Variants in ATP10B observed in about 807,000 individuals in gnomAD.
ATP10B encodes ATPase phospholipid transporting 10B (putative).
ATP10B carries 122 observed loss-of-function variants against 141.2 expected under a neutral mutation model. The ratio of observed to expected loss-of-function variants is 0.86; its 90% CI spans 0.75 to 1.00. The LOEUF is 1.00. ATP10B is among the 50% of genes least tolerant of loss of function. The pLI is 0.00. For synonymous variants in ATP10B, 685 were observed against 692.0 expected (o/e 0.99, Z 0.16); for missense variants, 1,876 against 1,825.3 (o/e 1.03, Z -0.51).
chr5:160,672,532 G>A (rs1233141111), intron 6 of ATP10B, among the ~76,000 whole-genome samples: 1 of 152,180 alleles, frequency 6.6e-6, no homozygotes, highest in African/African-American at 2.4e-5. Flanking sequence ...TCATCTGTCT[G>A]CATTTGGAAA....
chr5:160,764,673 T>C (rs1164492908), intron 2 of ATP10B, among the ~76,000 whole-genome samples: 1 of 152,176 alleles, frequency 6.6e-6, no homozygotes, highest in Non-Finnish European at 1.5e-5. Context: ...ATACCCACTT[T>C]TGCCACTTCT....
At chr5:160,873,658 C>T in the ATP10B span, among the ~76,000 whole-genome samples, 21 of 152,268 alleles carry the variant, frequency 1.4e-4, no homozygotes, top group East Asian at 3.9e-4. Flanking sequence ...AGACAGTGGA[C>T]GCAGGTCAGT....
chr5:160,682,555 C>T (rs969471967), intron 6 of ATP10B, among the ~76,000 whole-genome samples: 1 of 152,114 alleles, frequency 6.6e-6, no homozygotes, highest in Non-Finnish European at 1.5e-5. Flanking sequence ...AGATTATTCC[C>T]AAGAACCAGG....
At chr5:160,709,063 A>G (rs1485806563) in intron 3 of ATP10B, among the ~76,000 whole-genome samples, 1 of 152,202 alleles carries the variant, frequency 6.6e-6, no homozygotes, top group Non-Finnish European at 1.5e-5. Context: ...GACCATCAAT[A>G]ACTCATATAC....
At chr5:160,758,739 C>A (rs962542678) in intron 2 of ATP10B, among the ~76,000 whole-genome samples, 1 of 152,100 alleles carries the variant, frequency 6.6e-6, no homozygotes, top group Non-Finnish European at 1.5e-5. Flanking sequence ...TTCCTCCTGT[C>A]CTGCAGGGTC....
At chr5:160,644,088 G>T in intron 9 of ATP10B, 50 bp downstream of exon 9, 6 of 1,467,138 alleles carry the variant, frequency 4.1e-6, no homozygotes, top group South Asian at 1.1e-5. Flanking sequence ...GGATTTGGAG[G>T]GGGAAGGATA....
chr5:160,615,542 G>A (rs1581204465), intron 17 of ATP10B, among the ~76,000 whole-genome samples: 2 of 152,074 alleles, frequency 1.3e-5, no homozygotes, highest in African/African-American at 4.8e-5. Context: ...TTGGCACATA[G>A]TAGGTGCTTA....
chr5:160,850,519 T>C (rs890598656), intron 1 of ATP10B, among the ~76,000 whole-genome samples: 15 of 152,168 alleles, frequency 9.9e-5, no homozygotes, highest in Admixed American at 9.2e-4. Flanking sequence ...TCAGACTTCA[T>C]TTCTCTAGGT....
chr5:160,738,199 GAAGA>G (rs1322901355), intron 2 of ATP10B, among the ~76,000 whole-genome samples: 1 of 151,958 alleles, frequency 6.6e-6, no homozygotes, highest in African/African-American at 2.4e-5. Flanking sequence ...TTGGATGAAA[GAAGA>G]AATAGGAAAA....
the ATP10B span, among the ~76,000 whole-genome samples, chr5:160,899,580 C>G: frequency 6.6e-6 from 1 of 151,924 alleles, no homozygotes; most frequent in African/African-American, 2.4e-5. Flanking sequence ...ATGCATCTCT[C>G]CCCCCAAAAA....
chr5:160,863,046 A>C, the ATP10B span, among the ~76,000 whole-genome samples: 2 of 151,982 alleles, frequency 1.3e-5, no homozygotes, highest in African/African-American at 4.8e-5. Flanking sequence ...ATATGAGATG[A>C]TATTTGATAA....
the ATP10B span, among the ~76,000 whole-genome samples, chr5:160,913,782 C>T: frequency 1.3e-5 from 2 of 152,134 alleles, no homozygotes; most frequent in Non-Finnish European, 2.9e-5. Flanking sequence ...TGCAGTGTTA[C>T]TGGGCCTGGG....
At chr5:160,890,693 A>G in the ATP10B span, among the ~76,000 whole-genome samples, 3 of 151,942 alleles carry the variant, frequency 2.0e-5, no homozygotes. Flanking sequence ...TCTGATGGCC[A>G]TTTGAGTTGT....
At chr5:160,847,213 G>A (rs1776177818) in intron 1 of ATP10B, among the ~76,000 whole-genome samples, 1 of 152,092 alleles carries the variant, frequency 6.6e-6, no homozygotes, top group Non-Finnish European at 1.5e-5. Flanking sequence ...TAGTTCCTGG[G>A]GCATTTCATC....
chr5:160,739,997 A>G (rs528877994), intron 2 of ATP10B, among the ~76,000 whole-genome samples: 2 of 152,208 alleles, frequency 1.3e-5, no homozygotes, highest in Admixed American at 6.5e-5. Context: ...TTTTAAAAAA[A>G]TAAATACTGA....
At chr5:160,704,210 C>G (rs183273335) in intron 3 of ATP10B, among the ~76,000 whole-genome samples, 1 of 151,576 alleles carries the variant, frequency 6.6e-6, no homozygotes, top group African/African-American at 2.4e-5. Flanking sequence ...AACTACCATG[C>G]GTGGCTATTT....
At chr5:160,592,996 G>A (rs1344480398) in intron 22 of ATP10B, among the ~76,000 whole-genome samples, 1 of 152,234 alleles carries the variant, frequency 6.6e-6, no homozygotes, top group Non-Finnish European at 1.5e-5. Context: ...GGCCACAGAT[G>A]AACAAAAAGA....
chr5:160,580,706 T>C (rs1755489660), intron 24 of ATP10B, among the ~76,000 whole-genome samples: 1 of 152,248 alleles, frequency 6.6e-6, no homozygotes, highest in Non-Finnish European at 1.5e-5. Flanking sequence ...TCTTTTTTTA[T>C]TGTTTGGAAT....
chr5:160,834,215 C>T (rs1001514259), intron 1 of ATP10B, among the ~76,000 whole-genome samples: 1 of 152,082 alleles, frequency 6.6e-6, no homozygotes, highest in Non-Finnish European at 1.5e-5. Flanking sequence ...ATCCTAGCTA[C>T]TTGGGAGGCT....
Sources: allele counts gnomAD v4.1 joint callset (sites outside exome capture counted in the v4.1 genomes callset), GRCh38; gene constraint gnomAD v4.1.1; transcripts MANE v1.5; gene names NCBI Gene and HGNC (gene_info 2026-07-23, HGNC 2026-07-21).